The following CEP63 variants were observed in gnomAD, a reference collection of about 807,000 sequenced individuals.
CEP63 encodes the protein centrosomal protein of 63 kDa.
In CEP63, 84 loss-of-function variants were observed where a neutral mutation model predicts 89.1. The ratio of observed to expected loss-of-function variants is 0.94; its 90% CI spans 0.79 to 1.13. The LOEUF (loss-of-function observed/expected upper bound fraction) is 1.13. CEP63 is among the 50% of genes most tolerant of loss of function. The probability of loss-of-function intolerance (pLI) is 0.00; values close to 1 mark genes in which losing one functional copy is unlikely to be tolerated. For synonymous variants in CEP63, 267 were observed against 272.5 expected, an observed-to-expected ratio of 0.98 and a Z score of 0.20; for missense variants, 838 against 813.3, an observed-to-expected ratio of 1.03 and a Z score of -0.37.
the CEP63 span, among the ~76,000 whole-genome samples, chr3:134,664,558 C>T: frequency 5.3e-5 from 8 of 152,254 alleles, no homozygotes; most frequent in South Asian, 4.1e-4. Context: ...TGGTGATGTG[C>T]GCACAGGTGT....
chr3:134,669,586 A>G, the CEP63 span, among the ~76,000 whole-genome samples: 29 of 152,208 alleles, frequency 1.9e-4, no homozygotes, highest in East Asian at 5.2e-3. Context: ...ATCATTAAAT[A>G]TTTTGCACAA....
At chr3:134,486,370 G>T in intron 1 of CEP63, 168 bp downstream of exon 1, 1 of 985,628 alleles carries the variant, frequency 1.0e-6, no homozygotes, top group Non-Finnish European at 1.2e-6. Flanking sequence ...GCAACGGCCT[G>T]CGAACCACCA....
chr3:134,738,747 G>T, the CEP63 span, among the ~76,000 whole-genome samples: 1 of 152,052 alleles, frequency 6.6e-6, no homozygotes, highest in African/African-American at 2.4e-5. Flanking sequence ...AACACCACCT[G>T]TACCCCAATA....
chr3:134,654,772 G>T, the CEP63 span, among the ~76,000 whole-genome samples: 4 of 152,168 alleles, frequency 2.6e-5, no homozygotes, highest in African/African-American at 9.7e-5. Context: ...CATGAATGTG[G>T]TTTCACAGTT....
At chr3:134,536,302 C>T in intron 5 of CEP63, 1 of 152,268 alleles carries the variant, frequency 6.6e-6, no homozygotes, top group East Asian at 1.9e-4. Context: ...ACTCCTAAAG[C>T]AGTACCTGGC....
chr3:134,506,033 G>A (rs927038650), intron 2 of CEP63, among the ~76,000 whole-genome samples: 10 of 152,268 alleles, frequency 6.6e-5, no homozygotes, highest in South Asian at 4.1e-4. Flanking sequence ...CTAGTTGTTT[G>A]CCTACATCCT....
Position 134,561,507 on chromosome 3 carries a change from C to T in CEP63, c.2084C>T (p.Thr695Ile). Residue 695 changes from threonine (T) to isoleucine (I), a missense_variant, in exon 15 of 15, where the codon ACA (threonine) becomes ATA (isoleucine). By Grantham distance (89) the Thr-to-Ile change is moderately conservative (BLOSUM62 -1). Coordinates refer to ENST00000675561, the MANE Select transcript of CEP63 (RefSeq NM_001353108.3). ...IEELKRESEK[T>I]VRQFTALK ...GAACTAAAAAGAGAGAGTGAAAAGA[C>T]AGTGAGACAATTCACAGCCTTAAAG... 1.9e-6 allele frequency: 3 copies of T among 1,613,794 alleles called. No homozygotes were observed. The highest frequency in any genetic ancestry group is 1.7e-4 in the Middle Eastern group (1 of 6,060).
chr3:134,544,511 C>T lies in CEP63; in HGVS notation c.556-1075C>T, dbSNP rs139580466. Reference sequence around the variant, plus strand: ...TCCTCCCTTATAAGCACCTTTTCCTCCAATAAACAAAAGACCACAATTTCC... The same window carrying T: ...TCCTCCCTTATAAGCACCTTTTCCTTCAATAAACAAAAGACCACAATTTCC... On this transcript the variant is annotated intron_variant, in intron 6 of 14. Transcript: ENST00000675561. 6.0e-3 allele frequency among the ~76,000 whole-genome samples: 906 copies of T among 152,132 alleles called. 22 individuals carry two copies. The South Asian group carries it at 0.074, about 12-fold the overall frequency.
At chr3:134,604,110 G>A in the CEP63 span, 40 of 1,611,290 alleles carry the variant, frequency 2.5e-5, no homozygotes, top group Middle Eastern at 3.3e-4. Context: ...CCTCCTCCAC[G>A]CTGAAGCTGA....
At chr3:134,665,858 G>T in the CEP63 span, among the ~76,000 whole-genome samples, 1 of 151,900 alleles carries the variant, frequency 6.6e-6, no homozygotes, top group African/African-American at 2.4e-5. Flanking sequence ...CCAGAGGAAG[G>T]GAACAAAGAC....
At chr3:134,539,032 T>A (rs1470003186) in intron 6 of CEP63, among the ~76,000 whole-genome samples, 47 of 152,200 alleles carry the variant, frequency 3.1e-4, no homozygotes, top group Admixed American at 3.1e-3. Flanking sequence ...TTGTTTAACC[T>A]AAAACTGTCT....
At chr3:134,681,048 G>A in the CEP63 span, among the ~76,000 whole-genome samples, 1 of 152,198 alleles carries the variant, frequency 6.6e-6, no homozygotes, top group South Asian at 2.1e-4. Context: ...GCAGGCCTCG[G>A]AGCAGGACAA....
At chr3:134,768,233 G>A in the CEP63 span, among the ~76,000 whole-genome samples, 1 of 152,126 alleles carries the variant, frequency 6.6e-6, no homozygotes, top group Admixed American at 6.5e-5. Flanking sequence ...CAGATTCCTC[G>A]AGTGGCTGTG....
At chr3:134,627,877 C>T in the CEP63 span, 3 of 1,342,068 alleles carry the variant, frequency 2.2e-6, no homozygotes, top group South Asian at 3.5e-5. Flanking sequence ...AATGCAAGCA[C>T]TGATGACTCA....
At chr3:134,589,025 A>T (rs986418371), downstream of CEP63, among the ~76,000 whole-genome samples, 4 of 152,222 alleles carry the variant, frequency 2.6e-5, no homozygotes, top group Non-Finnish European at 5.9e-5. Flanking sequence ...AGAAAATCTG[A>T]AGAGTCATAA....
chr3:134,782,293 C>T, the CEP63 span, among the ~76,000 whole-genome samples: 1 of 152,182 alleles, frequency 6.6e-6, no homozygotes, highest in African/African-American at 2.4e-5. Flanking sequence ...ACTAACAAAA[C>T]CGTTTAGACT....
chr3:134,610,577 TG>T, the CEP63 span: 1 of 575,306 alleles, frequency 1.7e-6, no homozygotes, highest in East Asian at 2.9e-5. Flanking sequence ...GGAGATACAG[TG>T]CTGGCTGGTC....
intron 3 of CEP63, among the ~76,000 whole-genome samples, chr3:134,515,221 G>A (rs148332023): frequency 6.6e-6 from 1 of 152,006 alleles, no homozygotes; most frequent in Non-Finnish European, 1.5e-5. Context: ...AGAGAAAAAT[G>A]GAATGATAAA....
the CEP63 span, among the ~76,000 whole-genome samples, chr3:134,776,204 C>A: frequency 1.3e-5 from 2 of 152,250 alleles, no homozygotes; most frequent in African/African-American, 2.4e-5. Flanking sequence ...GAGCCAAATT[C>A]TGTGTCCAGC....
Sources: gnomAD v4.1 joint callset for allele counts (sites outside exome capture counted in the v4.1 genomes callset) on GRCh38, gnomAD v4.1.1 for gene constraint, MANE v1.5 for transcripts, NCBI Gene and HGNC (gene_info 2026-07-23, HGNC 2026-07-21) for gene names.